Variants in ENTREP1 observed in about 807,000 individuals in gnomAD.
ENTREP1 encodes the protein endosomal transmembrane epsin interactor 1.
the ENTREP1 span, chr9:69,384,057 A>G: frequency 6.6e-7 from 1 of 1,508,196 alleles, no homozygotes; most frequent in African/African-American, 1.4e-5. Flanking sequence ...GATTCAGTAG[A>G]TTAAAACATG....
the ENTREP1 span, chr9:69,383,937 T>C: frequency 7.6e-5 from 123 of 1,612,254 alleles, no homozygotes; most frequent in Non-Finnish European, 1.0e-4. Context: ...TGTTTTTTGC[T>C]GTGATGCAGG....
chr9:69,374,815 A>C, the ENTREP1 span, among the ~76,000 whole-genome samples: 1 of 152,182 alleles, frequency 6.6e-6, no homozygotes, highest in African/African-American at 2.4e-5. Flanking sequence ...TTGTTTGTGG[A>C]TAGGCTAAAG....
chr9:69,329,297 T>C, the ENTREP1 span: 1 of 926,388 alleles, frequency 1.1e-6, no homozygotes, highest in Non-Finnish European at 1.3e-6. Flanking sequence ...GTGTATTTGA[T>C]ACAAAATTAG....
the ENTREP1 span, among the ~76,000 whole-genome samples, chr9:69,376,954 A>C: frequency 6.6e-6 from 1 of 152,194 alleles, no homozygotes; most frequent in Non-Finnish European, 1.5e-5. Flanking sequence ...GCCACAAATT[A>C]AGCAGTGTGC....
At chr9:69,388,300 C>CA in the ENTREP1 span, 1 of 1,614,202 alleles carries the variant, frequency 6.2e-7, no homozygotes, top group Non-Finnish European at 8.5e-7. Context: ...CCTACATGGA[C>CA]ACCAAGCTGC....
At chr9:69,367,466 A>T in the ENTREP1 span, among the ~76,000 whole-genome samples, 1 of 150,940 alleles carries the variant, frequency 6.6e-6, no homozygotes. Flanking sequence ...TTTTGATAAT[A>T]TTAATTTTTC....
At chr9:69,325,772 G>A in the ENTREP1 span, 7 of 1,216,736 alleles carry the variant, frequency 5.8e-6, no homozygotes, top group South Asian at 4.2e-5. Flanking sequence ...CGGTGATAGG[G>A]GGCTCTGGTC....
chr9:69,378,602 C>CA, the ENTREP1 span, among the ~76,000 whole-genome samples: 1 of 151,704 alleles, frequency 6.6e-6, no homozygotes, highest in Non-Finnish European at 1.5e-5. Flanking sequence ...ACTAAAAATA[C>CA]AAAAAAATTA....
At chr9:69,371,690 G>A in the ENTREP1 span, 1 of 932,456 alleles carries the variant, frequency 1.1e-6, no homozygotes, top group Non-Finnish European at 1.8e-6. Context: ...GCAACATTCA[G>A]CATCAGGCAA....
chr9:69,376,716 G>A, the ENTREP1 span, among the ~76,000 whole-genome samples: 2 of 152,210 alleles, frequency 1.3e-5, no homozygotes, highest in Non-Finnish European at 2.9e-5. Flanking sequence ...TGCATTTTTG[G>A]TAGCTGAGTC....
the ENTREP1 span, among the ~76,000 whole-genome samples, chr9:69,349,572 T>C: frequency 6.6e-6 from 1 of 152,228 alleles, no homozygotes. Context: ...GAAATGTCTA[T>C]TCAGATCCAT....
chr9:69,378,203 C>T, the ENTREP1 span, among the ~76,000 whole-genome samples: 1 of 152,180 alleles, frequency 6.6e-6, no homozygotes. Context: ...CTTGGAAACA[C>T]TCCCAGTTAG....
chr9:69,368,932 C>G, the ENTREP1 span, among the ~76,000 whole-genome samples: 1 of 151,866 alleles, frequency 6.6e-6, no homozygotes, highest in Admixed American at 6.6e-5. Context: ...TTTGCTGCAC[C>G]CATCAACTCT....
At chr9:69,375,960 TCAAA>T in the ENTREP1 span, 1 of 1,350,078 alleles carries the variant, frequency 7.4e-7, no homozygotes, top group Non-Finnish European at 1.0e-6. Context: ...ATTACCTCCC[TCAAA>T]CAATTAAGCT....
At chr9:69,388,480 T>C in the ENTREP1 span, 5 of 1,512,604 alleles carry the variant, frequency 3.3e-6, no homozygotes, top group East Asian at 4.6e-5. Context: ...CAGGCATGAA[T>C]CAGATGACTC....
chr9:69,324,849 C>T, the ENTREP1 span: 1 of 985,266 alleles, frequency 1.0e-6, no homozygotes, highest in African/African-American at 1.7e-5. Context: ...TCTCTAGCCC[C>T]AGCTCGGCGG....
At chr9:69,384,413 G>A in the ENTREP1 span, among the ~76,000 whole-genome samples, 1 of 152,124 alleles carries the variant, frequency 6.6e-6, no homozygotes, top group African/African-American at 2.4e-5. Context: ...CATGAAATAG[G>A]TTACAGAGTT....
chr9:69,385,679 C>T, the ENTREP1 span: 1 of 1,403,606 alleles, frequency 7.1e-7, no homozygotes, highest in Non-Finnish European at 9.2e-7. Context: ...AACTGCATTA[C>T]CCTTGCCCTG....
At chr9:69,390,292 A>G in the ENTREP1 span, among the ~76,000 whole-genome samples, 1 of 152,260 alleles carries the variant, frequency 6.6e-6, no homozygotes, top group African/African-American at 2.4e-5. Context: ...ACAAAAAGTC[A>G]TCCAAATGAT....
Sources: gnomAD v4.1 joint callset for allele counts (sites outside exome capture counted in the v4.1 genomes callset) on GRCh38, gnomAD v4.1.1 for gene constraint, MANE v1.5 for transcripts, NCBI Gene and HGNC (gene_info 2026-07-23, HGNC 2026-07-21) for gene names.